The following MRC1 variants were observed in gnomAD, a reference collection of about 807,000 sequenced individuals.
MRC1 encodes the protein macrophage mannose receptor 1.
In MRC1, 62 loss-of-function variants were observed where a neutral mutation model predicts 102.9. The ratio of observed to expected loss-of-function variants is 0.60; its 90% CI spans 0.49 to 0.74. The LOEUF (loss-of-function observed/expected upper bound fraction) is 0.74, where lower values mean the gene tolerates loss of function less well. Ranked by LOEUF, MRC1 falls within the 30% of genes least tolerant of loss-of-function variation. The probability of loss-of-function intolerance (pLI) is 0.00; values close to 1 mark genes in which losing one functional copy is unlikely to be tolerated. For missense variants in MRC1, 1,237 were observed against 862.8 expected, an observed-to-expected ratio of 1.43 and a Z score of -5.43; for synonymous variants, 457 against 298.4, an observed-to-expected ratio of 1.53 and a Z score of -5.48.
chr10:17,848,981 T>G (rs1044224766), intron 6 of MRC1, among the ~76,000 whole-genome samples: 1 of 152,106 alleles, frequency 6.6e-6, no homozygotes, highest in Non-Finnish European at 1.5e-5. Flanking sequence ...TAGAATAAAG[T>G]AAATTCAAAT....
At chr10:17,830,570 T>C (rs1197359814) in intron 3 of MRC1, among the ~76,000 whole-genome samples, 2 of 151,372 alleles carry the variant, frequency 1.3e-5, no homozygotes, top group Non-Finnish European at 2.9e-5. Context: ...TCCTTCCATG[T>C]AGACATTTAT....
At chr10:17,900,671 T>G in intron 24 of MRC1, 117 bp from the exon 25 acceptor site, 5 of 755,448 alleles carry the variant, frequency 6.6e-6, no homozygotes, top group Non-Finnish European at 9.8e-6. Context: ...TTCTCAAATG[T>G]TCCAGGTTCT....
intron 6 of MRC1, among the ~76,000 whole-genome samples, chr10:17,849,340 G>C (rs1554840442): frequency 2.0e-5 from 3 of 150,304 alleles, no homozygotes; most frequent in Non-Finnish European, 1.5e-5. Context: ...AAGTTGATAA[G>C]GTGATTTCCC....
chr10:17,815,219 AT>A (rs1202402117), intron 1 of MRC1, among the ~76,000 whole-genome samples: 1 of 152,110 alleles, frequency 6.6e-6, no homozygotes, highest in Non-Finnish European at 1.5e-5. Context: ...GCACAGAGTA[AT>A]GTTGAACTTG....
intron 1 of MRC1, among the ~76,000 whole-genome samples, chr10:17,820,735 T>C (rs931631144): frequency 1.4e-4 from 22 of 152,308 alleles, no homozygotes; most frequent in African/African-American, 4.8e-4. Context: ...ACATTAAATT[T>C]AGAGGCTAGT....
chr10:17,871,149 A>T (rs909196900), intron 14 of MRC1, among the ~76,000 whole-genome samples: 1 of 152,128 alleles, frequency 6.6e-6, no homozygotes, highest in Non-Finnish European at 1.5e-5. Context: ...TGATATTCCC[A>T]CTAATAATGA....
In MRC1 at chr10:17,844,855, C is replaced by T. The variant is rs534296878; in HGVS notation, c.917-434C>T. ...TTTGGCTTTCTGTTCTGCATTAATT[C>T]GCTTAGGATAATGGCCTCTAGTTGC... On this transcript the variant is annotated intron_variant, in intron 5 of 29. Coordinates refer to ENST00000569591, the MANE Select transcript of MRC1 (RefSeq NM_002438.4). Among the ~76,000 whole-genome samples the T allele has an allele frequency of 2.4e-3, 366 of 152,198 alleles. 3 individuals carry two copies. The highest frequency in any genetic ancestry group is 8.3e-3 in the African/African-American group (344 of 41,522).
intron 26 of MRC1, among the ~76,000 whole-genome samples, chr10:17,904,880 A>G (rs1468475300): frequency 6.6e-6 from 1 of 152,166 alleles, no homozygotes; most frequent in African/African-American, 2.4e-5. Flanking sequence ...TCCTATGAAC[A>G]TCCCATTCCC....
chr10:17,834,495 C>T (rs1212664365), intron 4 of MRC1, among the ~76,000 whole-genome samples: 1 of 152,180 alleles, frequency 6.6e-6, no homozygotes, highest in African/African-American at 2.4e-5. Flanking sequence ...TCACTGTAAC[C>T]TCCACCTCCC....
rs572973207 is a variant in MRC1 at position 17,852,656 on chromosome 10, A to C, written c.1250-311A>C. Among the ~76,000 whole-genome samples, 3 of 152,312 alleles carry C rather than the reference A, an allele frequency of 2.0e-5. No individual in the cohort carries two copies. The South Asian group carries it at 6.2e-4, about 32-fold the overall frequency. On this transcript the variant is annotated intron_variant, in intron 7 of 29. Coordinates refer to ENST00000569591, the MANE Select transcript of MRC1 (RefSeq NM_002438.4). ...TTCATAAGATAGAGCATAGTAATAG[A>C]CCTACCTCAATTTTGTTTTTGTAAC...
chr10:17,845,062 C>T (rs1358751615), intron 5 of MRC1: 1 of 765,188 alleles, frequency 1.3e-6, no homozygotes, highest in Non-Finnish European at 2.4e-6. Flanking sequence ...AGTATATTTG[C>T]TTTATCAACA....
At chr10:17,907,256 G>T (rs1178813804) in intron 27 of MRC1, among the ~76,000 whole-genome samples, 3 of 152,152 alleles carry the variant, frequency 2.0e-5, no homozygotes, top group Admixed American at 2.0e-4. Context: ...CTATGTTTTC[G>T]TGGGGCCAGG....
At chr10:17,894,394 C>CTTTTTTTTTTTTTTTT (rs34625338) in intron 23 of MRC1, 82 bp downstream of exon 23, 34 of 406,292 alleles carry the variant, frequency 8.4e-5, no homozygotes, top group African/African-American at 2.1e-4. Context: ...TTCTTTCTTT[C>CTTTTTTTTTTTTTTTT]TTTTTTTTTT....
At position 17,884,327 on chromosome 10, in the gene MRC1, T is replaced by C. The variant is rs1833559853; in HGVS notation, c.2981-942T>C. Among the ~76,000 whole-genome samples the C allele has an allele frequency of 2.0e-5, 3 of 152,152 alleles. No homozygotes were observed. In the South Asian group the frequency reaches 6.2e-4, roughly 32 times the overall value. On this transcript the variant is annotated intron_variant, in intron 21 of 29. Transcript: ENST00000569591. ...CCTAGATCCAAGCACACTGAGTATA[T>C]GGGCAACTGATCTCAGGGATTTCTC...
chr10:17,875,374 A>T (rs1287038170), intron 17 of MRC1, 121 bp downstream of exon 17: 6 of 719,428 alleles, frequency 8.3e-6, no homozygotes, highest in African/African-American at 3.5e-5. Flanking sequence ...TCACCTGAGC[A>T]GTATACGCTG....
intron 21 of MRC1, among the ~76,000 whole-genome samples, chr10:17,882,123 A>C (rs1397859579): frequency 6.6e-6 from 1 of 152,100 alleles, no homozygotes; most frequent in Non-Finnish European, 1.5e-5. Flanking sequence ...CCACTGAAAT[A>C]GGTATTAGGT....
intron 9 of MRC1, among the ~76,000 whole-genome samples, chr10:17,858,633 A>G (rs1833134001): frequency 6.6e-6 from 1 of 152,142 alleles, no homozygotes; most frequent in African/African-American, 2.4e-5. Flanking sequence ...GACTATAGGC[A>G]CAAGCTACCA....
At position 17,867,388 on chromosome 10, in the gene MRC1, C is replaced by T. The variant is rs998565035; in HGVS notation, c.1983+627C>T. ...TCCTTCTTCTTCTTCTTCTTCTTCTCCTTCTTCTCCTTCTTCTTCTTCTTT... is the reference window on the plus strand; with the variant it reads ...TCCTTCTTCTTCTTCTTCTTCTTCTTCTTCTTCTCCTTCTTCTTCTTCTTT... On this transcript the variant is annotated intron_variant, in intron 12 of 29. Transcript: ENST00000569591. Among the ~76,000 whole-genome samples the T allele has an allele frequency of 1.4e-4, 13 of 94,100 alleles. 1 individual carries two copies. The highest frequency in any genetic ancestry group is 4.2e-4 in the African/African-American group (9 of 21,490). 61.7% of individuals were successfully genotyped at this position (94,100 alleles called of 152,430 possible).
intron 2 of MRC1, among the ~76,000 whole-genome samples, chr10:17,824,630 C>G (rs1402618601): frequency 6.6e-6 from 1 of 151,928 alleles, no homozygotes; most frequent in Non-Finnish European, 1.5e-5. Context: ...GAGGGGCAAG[C>G]TAAGTGAACA....
Sources: gnomAD v4.1 joint callset for allele counts (sites outside exome capture counted in the v4.1 genomes callset) on GRCh38, gnomAD v4.1.1 for gene constraint, MANE v1.5 for transcripts, NCBI Gene and HGNC (gene_info 2026-07-23, HGNC 2026-07-21) for gene names.